The following CTPS2 variants were observed in gnomAD, a reference collection of about 807,000 sequenced individuals.
The protein encoded by CTPS2 is CTP synthase II.
A neutral mutation model predicts 46.8 loss-of-function variants in CTPS2; 19 were observed. The ratio of observed to expected loss-of-function variants is 0.41; its 90% confidence interval spans 0.28 to 0.60. The LOEUF (loss-of-function observed/expected upper bound fraction) is 0.60. Among genes scored for constraint, CTPS2 ranks in the 20% least tolerant of loss-of-function variants. CTPS2 has a pLI of 0.35. For synonymous variants in CTPS2, 151 were observed against 165.2 expected (o/e 0.91, Z 0.66); for missense variants, 286 against 447.6 (o/e 0.64, Z 3.26).
intron 13 of CTPS2, among the ~76,000 whole-genome samples, chrX:16,656,214 C>T (rs1227503978): frequency 9.0e-6 from 1 of 110,873 alleles, no homozygotes. Flanking sequence ...GTGCTGTGCA[C>T]ATATCTGTGC....
chrX:16,623,783 C>T (rs1256605742), intron 14 of CTPS2, among the ~76,000 whole-genome samples: 3 of 99,966 alleles, frequency 3.0e-5, no homozygotes, highest in Admixed American at 2.3e-4. Flanking sequence ...AGCAGTCATC[C>T]CCTCAATTCT....
At chrX:16,677,129 A>G (rs1922348203) in intron 10 of CTPS2, among the ~76,000 whole-genome samples, 1 of 109,779 alleles carries the variant, frequency 9.1e-6, no homozygotes, top group Non-Finnish European at 1.9e-5. Context: ...AATTCTGGGC[A>G]TGTATTGAAA....
At position 16,683,334 on chromosome X, in the gene CTPS2, G is replaced by A; in HGVS notation, c.873-108C>T. 3.7e-6 allele frequency: 3 copies of A among 813,033 alleles called. No individual in the cohort carries two copies. In the South Asian group the frequency reaches 7.0e-5, roughly 19 times the overall value. 67.0% of individuals were successfully genotyped at this position (813,033 alleles called of 1,213,427 possible). A position where few individuals can be genotyped will look rare whatever the true frequency, so the allele number is the denominator to read the frequency against. On this transcript the variant is annotated intron_variant, in intron 8 of 18. Transcript: ENST00000359276. ...CAAGGCACTTTTTAAATCCTCGGGA[G>A]CAGCTGTAGTCCTAGCTACTCAGGA...
intron 10 of CTPS2, among the ~76,000 whole-genome samples, chrX:16,674,449 C>T (rs1162797405): frequency 9.0e-6 from 1 of 111,423 alleles, no homozygotes; most frequent in Non-Finnish European, 1.9e-5. Context: ...AGGCGTAAGC[C>T]ACCGCATCCA....
intron 10 of CTPS2, among the ~76,000 whole-genome samples, chrX:16,677,559 A>G (rs1031033185): frequency 1.8e-5 from 2 of 111,694 alleles, no homozygotes; most frequent in African/African-American, 3.3e-5. Context: ...CAGCAACTCC[A>G]TCTTGAATAG....
intron 13 of CTPS2, among the ~76,000 whole-genome samples, chrX:16,663,511 A>C (rs67033034): frequency 0.13 from 13,900 of 110,860 alleles, 651 homozygotes; most frequent in East Asian, 0.16. Context: ...TACACACACA[A>C]AAACACACAC....
intron 17 of CTPS2, among the ~76,000 whole-genome samples, chrX:16,597,782 G>T (rs1416270541): frequency 9.1e-6 from 1 of 109,656 alleles, no homozygotes; most frequent in African/African-American, 3.3e-5. Context: ...AATTACCTTG[G>T]GCAGTATGGC....
intron 4 of CTPS2, among the ~76,000 whole-genome samples, chrX:16,694,069 C>G (rs1276275009): frequency 9.0e-6 from 1 of 111,254 alleles, no homozygotes; most frequent in Non-Finnish European, 1.9e-5. Context: ...GAGGCTGAGG[C>G]AGGAGAATCG....
chrX:16,590,576 C>G (rs1204033412), intron 18 of CTPS2, among the ~76,000 whole-genome samples, 176 bp downstream of exon 18: 1 of 111,079 alleles, frequency 9.0e-6, no homozygotes, highest in African/African-American at 3.3e-5. Flanking sequence ...TTCCATTTTC[C>G]CCAAACACTA....
At chrX:16,657,433 G>A (rs1022193174) in intron 13 of CTPS2, among the ~76,000 whole-genome samples, 2 of 110,264 alleles carry the variant, frequency 1.8e-5, no homozygotes, top group Non-Finnish European at 3.8e-5. Flanking sequence ...GGTGGGGACA[G>A]GGTGACCAAA....
At chrX:16,710,216 C>T (rs910758516) in intron 1 of CTPS2, among the ~76,000 whole-genome samples, 7 of 112,270 alleles carry the variant, frequency 6.2e-5, no homozygotes, top group African/African-American at 1.6e-4. Context: ...GAGGAAGAAA[C>T]GCTACAACAG....
chrX:16,601,581 G>C (rs955909447), intron 17 of CTPS2, among the ~76,000 whole-genome samples: 8 of 104,404 alleles, frequency 7.7e-5, no homozygotes, highest in East Asian at 3.2e-4. Context: ...TCGGGGGGGG[G>C]GGGGTTTAAG....
At chrX:16,635,159 T>C (rs1203797055) in intron 14 of CTPS2, among the ~76,000 whole-genome samples, 1 of 111,730 alleles carries the variant, frequency 9.0e-6, no homozygotes, top group Non-Finnish European at 1.9e-5. Context: ...ATGCTTTCTA[T>C]CAAAATTGTT....
At chrX:16,657,136 C>G (rs1259170463) in intron 13 of CTPS2, among the ~76,000 whole-genome samples, 1 of 108,924 alleles carries the variant, frequency 9.2e-6, no homozygotes, top group African/African-American at 3.4e-5. Flanking sequence ...GCAATCCACC[C>G]ACCTTCGTCT....
chrX:16,688,065 C>T (rs764978347), intron 8 of CTPS2, among the ~76,000 whole-genome samples: 133 of 111,313 alleles, frequency 1.2e-3, no homozygotes, highest in African/African-American at 4.0e-3. Flanking sequence ...TGGCGCTCAC[C>T]TAAGCTGCCC....
chrX:16,690,109 G>A (rs1394892860), intron 7 of CTPS2, among the ~76,000 whole-genome samples: 2 of 108,381 alleles, frequency 1.8e-5, no homozygotes, highest in African/African-American at 3.4e-5. Flanking sequence ...GGTGGCTCAC[G>A]CCTGTAATTC....
chrX:16,605,016 C>T (rs1929890498), intron 17 of CTPS2, among the ~76,000 whole-genome samples: 1 of 112,185 alleles, frequency 8.9e-6, no homozygotes, highest in East Asian at 2.8e-4. Flanking sequence ...TTTCAAAGGG[C>T]CTGCTTGCAG....
intron 13 of CTPS2, among the ~76,000 whole-genome samples, chrX:16,658,400 A>G (rs1932869848): frequency 8.9e-6 from 1 of 112,111 alleles, no homozygotes; most frequent in Non-Finnish European, 1.9e-5. Flanking sequence ...AATAATCTTA[A>G]CTATTTCCCC....
intron 1 of CTPS2, among the ~76,000 whole-genome samples, chrX:16,707,966 G>C (rs976735213): frequency 9.1e-6 from 1 of 110,120 alleles, no homozygotes; most frequent in Non-Finnish European, 1.9e-5. Context: ...TGGACAATAG[G>C]GTGAGACTCG....
Sources: allele counts gnomAD v4.1 joint callset (sites outside exome capture counted in the v4.1 genomes callset), GRCh38; gene constraint gnomAD v4.1.1; transcripts MANE v1.5; gene names NCBI Gene and HGNC (gene_info 2026-07-23, HGNC 2026-07-21).